The following MYOZ2 variants were observed in gnomAD, a reference collection of about 807,000 sequenced individuals.
MYOZ2 encodes myozenin 2.
MYOZ2 carries 19 observed loss-of-function variants against 25.4 expected under a neutral mutation model. That is an observed-to-expected ratio of 0.75 (90% CI 0.52 to 1.10). The LOEUF is 1.10. MYOZ2 is among the 50% of genes least tolerant of loss of function. The probability of loss-of-function intolerance (pLI) is 0.00; values close to 1 mark genes in which losing one functional copy is unlikely to be tolerated. For missense variants in MYOZ2, 270 were observed against 317.9 expected, an observed-to-expected ratio of 0.85 and a Z score of 1.15; for synonymous variants, 92 against 106.9, an observed-to-expected ratio of 0.86 and a Z score of 0.86.
At chr4:119,180,090 G>C (rs983357756) in intron 5 of MYOZ2, among the ~76,000 whole-genome samples, 1 of 152,176 alleles carries the variant, frequency 6.6e-6, no homozygotes. Flanking sequence ...TTAATGATTG[G>C]GGAATCATGT....
chr4:119,149,804 C>T (rs1741405493), intron 2 of MYOZ2, among the ~76,000 whole-genome samples: 1 of 152,144 alleles, frequency 6.6e-6, no homozygotes, highest in Non-Finnish European at 1.5e-5. Flanking sequence ...AATTAGTGGA[C>T]TCCTCTAATT....
At chr4:119,145,038 A>G (rs772950149) in intron 2 of MYOZ2, among the ~76,000 whole-genome samples, 1 of 152,158 alleles carries the variant, frequency 6.6e-6, no homozygotes, top group Non-Finnish European at 1.5e-5. Context: ...CCAAAGATAT[A>G]CTAAAGTGAT....
At chr4:119,140,447 T>C (rs1461508111) in intron 2 of MYOZ2, among the ~76,000 whole-genome samples, 2 of 152,216 alleles carry the variant, frequency 1.3e-5, no homozygotes, top group South Asian at 4.1e-4. Context: ...TTTTCTGTGG[T>C]TTGTTTTAAT....
At chr4:119,153,096 C>T (rs1741491254) in intron 3 of MYOZ2, among the ~76,000 whole-genome samples, 1 of 151,520 alleles carries the variant, frequency 6.6e-6, no homozygotes, top group South Asian at 2.1e-4. Flanking sequence ...AATTTTCCCC[C>T]TCATTTTAAA....
intron 2 of MYOZ2, among the ~76,000 whole-genome samples, chr4:119,143,800 A>C (rs532645139): frequency 2.4e-4 from 37 of 152,316 alleles, no homozygotes; most frequent in African/African-American, 8.4e-4. Context: ...GGAATCATAC[A>C]GTAAGTAGAT....
intron 2 of MYOZ2, among the ~76,000 whole-genome samples, chr4:119,145,233 A>AT (rs1741257046): frequency 6.6e-6 from 1 of 151,754 alleles, no homozygotes. Context: ...AATTCTTTTC[A>AT]TATATTGCTT....
At position 119,178,738 on chromosome 4, in the gene MYOZ2, G is replaced by C. The variant is rs188507603; in HGVS notation, c.561-7228G>C. ...TCTGCTGCCTCAGCCTCCCGAGTAG[G>C]TGGGACTACAGGCATCCACCACCTC... On this transcript the variant is annotated intron_variant, in intron 5 of 5. Transcript: ENST00000307128. 5.9e-4 allele frequency among the ~76,000 whole-genome samples: 90 copies of C among 152,118 alleles called. 1 individual carries two copies. Among genetic ancestry groups the C allele is most frequent in the Non-Finnish European group, 1.1e-3 (77 of 67,960 alleles).
At chr4:119,165,426 A>C (rs1225338139) in intron 5 of MYOZ2, among the ~76,000 whole-genome samples, 1 of 152,006 alleles carries the variant, frequency 6.6e-6, no homozygotes, top group African/African-American at 2.4e-5. Context: ...TGGGAGGATC[A>C]CTGGAGCCCA....
At chr4:119,162,783 G>A (rs1447746602) in intron 4 of MYOZ2, among the ~76,000 whole-genome samples, 2 of 152,176 alleles carry the variant, frequency 1.3e-5, no homozygotes, top group African/African-American at 4.8e-5. Flanking sequence ...TTTGTTGTGG[G>A]GATGAGGGAG....
chr4:119,146,643 A>T (rs1741307533), intron 2 of MYOZ2, among the ~76,000 whole-genome samples: 1 of 152,134 alleles, frequency 6.6e-6, no homozygotes, highest in Non-Finnish European at 1.5e-5. Context: ...ATAGCCCAGG[A>T]TATGGTCTAT....
chr4:119,146,738 C>T (rs912528512), intron 2 of MYOZ2, among the ~76,000 whole-genome samples: 5 of 152,070 alleles, frequency 3.3e-5, no homozygotes, highest in South Asian at 2.1e-4. Flanking sequence ...AAGTCCTATT[C>T]GTTGCTAATA....
At chr4:119,152,532 G>A (rs773646761) in intron 3 of MYOZ2, among the ~76,000 whole-genome samples, 2 of 152,064 alleles carry the variant, frequency 1.3e-5, no homozygotes, top group African/African-American at 2.4e-5. Context: ...GATTTAAAAT[G>A]TCCCTATGAA....
chr4:119,172,857 T>C (rs1331308300), intron 5 of MYOZ2, among the ~76,000 whole-genome samples: 1 of 152,186 alleles, frequency 6.6e-6, no homozygotes, highest in Non-Finnish European at 1.5e-5. Flanking sequence ...TGGAGTCAGG[T>C]AAGATCTCTC....
intron 4 of MYOZ2, 124 bp downstream of exon 4, chr4:119,158,275 T>A: frequency 7.3e-7 from 1 of 1,363,248 alleles, no homozygotes; most frequent in Non-Finnish European, 1.0e-6. Flanking sequence ...AAGTATGTTT[T>A]TGGGCCCCAG....
At chr4:119,173,297 A>G (rs1741983148) in intron 5 of MYOZ2, among the ~76,000 whole-genome samples, 1 of 152,204 alleles carries the variant, frequency 6.6e-6, no homozygotes, top group Non-Finnish European at 1.5e-5. Context: ...TGTTTGAAGA[A>G]TTTCTATGTT....
chr4:119,180,018 C>CAGT (rs770719985), intron 5 of MYOZ2, among the ~76,000 whole-genome samples: 21 of 152,184 alleles, frequency 1.4e-4, no homozygotes, highest in Non-Finnish European at 3.1e-4. Context: ...AAATCTGAAA[C>CAGT]AGTACCTGGC....
intron 5 of MYOZ2, among the ~76,000 whole-genome samples, chr4:119,176,659 C>T (rs1742078630): frequency 6.6e-6 from 1 of 152,098 alleles, no homozygotes; most frequent in Non-Finnish European, 1.5e-5. Flanking sequence ...AACCAGATAA[C>T]AAAATATGGG....
At chr4:119,150,811 T>C (rs1179120326) in intron 2 of MYOZ2, 61 bp from the exon 3 acceptor site, 168 of 1,506,374 alleles carry the variant, frequency 1.1e-4, no homozygotes, top group Admixed American at 2.4e-4. Context: ...ATTAAGAAAT[T>C]TATAAAAGCA....
chr4:119,176,088 TTCACCG>T (rs1742066761), intron 5 of MYOZ2, among the ~76,000 whole-genome samples: 1 of 152,202 alleles, frequency 6.6e-6, no homozygotes. Context: ...TTCCTCATGT[TTCACCG>T]TCTTTGAGTT....
Sources: gnomAD v4.1 joint callset for allele counts (sites outside exome capture counted in the v4.1 genomes callset) on GRCh38, gnomAD v4.1.1 for gene constraint, MANE v1.5 for transcripts, NCBI Gene and HGNC (gene_info 2026-07-23, HGNC 2026-07-21) for gene names.